LARGE1: variants seen among roughly 807,000 people sequenced by gnomAD.
The protein encoded by LARGE1 is xylosyl- and glucuronyltransferase LARGE1.
LARGE1 carries 43 observed loss-of-function variants against 87.6 expected under a neutral mutation model. That is an observed-to-expected ratio of 0.49 (90% CI 0.38 to 0.63). The LOEUF (loss-of-function observed/expected upper bound fraction) is 0.63. LARGE1 is among the 30% of genes least tolerant of loss of function. LARGE1 has a pLI of 0.00. For synonymous variants in LARGE1, 434 were observed against 394.6 expected, an observed-to-expected ratio of 1.10 and a Z score of -1.18; for missense variants, 802 against 1,000.2, an observed-to-expected ratio of 0.80 and a Z score of 2.67.
chr22:33,651,022 A>G (rs2080785817), intron 2 of LARGE1, among the ~76,000 whole-genome samples: 1 of 151,576 alleles, frequency 6.6e-6, no homozygotes, highest in Admixed American at 6.6e-5. Flanking sequence ...TTGGGGAGAA[A>G]GACAAGGGAG....
At chr22:33,134,252 T>TC in the LARGE1 span, among the ~76,000 whole-genome samples, 5 of 135,906 alleles carry the variant, frequency 3.7e-5, no homozygotes, top group East Asian at 1.1e-3. Context: ...CACAAAGAAC[T>TC]CCCTTTTTTT....
chr22:33,599,377 CT>C (rs138189288), intron 5 of LARGE1, among the ~76,000 whole-genome samples: 12,152 of 152,182 alleles, frequency 0.08, 577 homozygotes, highest in African/African-American at 0.13. Flanking sequence ...AGTTTTCCTC[CT>C]GTAGACAGGA....
intron 11 of LARGE1, among the ~76,000 whole-genome samples, chr22:33,167,588 AGATT>A (rs1460290049): frequency 6.6e-6 from 1 of 152,186 alleles, no homozygotes; most frequent in African/African-American, 2.4e-5. Flanking sequence ...TGCATTTTAC[AGATT>A]AATAATTCGA....
At chr22:33,647,177 T>C (rs1438427072) in intron 3 of LARGE1, among the ~76,000 whole-genome samples, 9 of 152,200 alleles carry the variant, frequency 5.9e-5, no homozygotes, top group Non-Finnish European at 1.2e-4. Flanking sequence ...TTTTGATATG[T>C]AATTCTAACA....
chr22:33,619,414 G>A (rs1308774009), intron 4 of LARGE1, among the ~76,000 whole-genome samples: 3 of 151,932 alleles, frequency 2.0e-5, no homozygotes, highest in African/African-American at 7.3e-5. Context: ...AATTAGCCAG[G>A]TGTGGTGGCA....
In LARGE1 at chr22:33,725,592, T is replaced by C. The variant is rs187762664; in HGVS notation, c.106+35779A>G. On this transcript the variant is annotated intron_variant, in intron 2 of 14. Coordinates refer to ENST00000397394, the MANE Select transcript of LARGE1 (RefSeq NM_133642.5). ...AGACATGCCTCTCAAGCCTCACAAT[T>C]GTCCTTTTGCTAAATTTAGGTTGAA... 433 of 152,288 alleles carry C rather than the reference T, an allele frequency of 2.8e-3. 6 individuals are homozygous for C. The highest frequency in any genetic ancestry group is 1.2e-3 in the East Asian group (6 of 5,162). The allele number at this position is 152,288 out of a possible 1,614,324, so 9.4% of individuals were successfully genotyped here.
At chr22:33,183,620 GCA>G (rs56262703) in intron 11 of LARGE1, among the ~76,000 whole-genome samples, 2,274 of 137,758 alleles carry the variant, frequency 0.017, 19 homozygotes, top group African/African-American at 0.029. Context: ...ACACACACAC[GCA>G]CACACACACA....
intron 11 of LARGE1, among the ~76,000 whole-genome samples, chr22:33,230,661 G>T (rs1925963188): frequency 6.6e-6 from 1 of 151,562 alleles, no homozygotes; most frequent in African/African-American, 2.4e-5. Flanking sequence ...TTTTATGGGT[G>T]GGTTATTGGA....
chr22:33,243,087 C>A (rs372742550), intron 11 of LARGE1, among the ~76,000 whole-genome samples: 1 of 152,160 alleles, frequency 6.6e-6, no homozygotes, highest in Non-Finnish European at 1.5e-5. Flanking sequence ...ACTCCATTTA[C>A]AAATAGTCAC....
the LARGE1 span, among the ~76,000 whole-genome samples, chr22:33,120,352 C>CTGTCTT: frequency 3.5e-5 from 4 of 115,776 alleles, no homozygotes; most frequent in Non-Finnish European, 5.2e-5. Flanking sequence ...TCTTTCTTTT[C>CTGTCTT]TTTCTTTTTC....
intron 5 of LARGE1, among the ~76,000 whole-genome samples, chr22:33,599,012 G>T (rs2079048716): frequency 6.6e-6 from 1 of 152,162 alleles, no homozygotes; most frequent in South Asian, 2.1e-4. Context: ...ACAGCCTGTG[G>T]GATCCAAAGC....
At chr22:33,510,867 G>A (rs774458882) in intron 6 of LARGE1, among the ~76,000 whole-genome samples, 1 of 152,180 alleles carries the variant, frequency 6.6e-6, no homozygotes, top group Non-Finnish European at 1.5e-5. Flanking sequence ...GATTACAGGC[G>A]TGAGCTACCA....
chr22:33,821,307 G>A (rs1383811684), intron 1 of LARGE1, among the ~76,000 whole-genome samples: 1 of 152,060 alleles, frequency 6.6e-6, no homozygotes, highest in Non-Finnish European at 1.5e-5. Flanking sequence ...AGCTACTGAG[G>A]GCTACTGTAG....
chr22:33,772,082 C>T (rs8142976), intron 1 of LARGE1, among the ~76,000 whole-genome samples: 1 of 152,136 alleles, frequency 6.6e-6, no homozygotes, highest in Non-Finnish European at 1.5e-5. Flanking sequence ...ACCTGTAATC[C>T]CAGCACTTTG....
chr22:33,387,006 A>C (rs2065346411), intron 7 of LARGE1, among the ~76,000 whole-genome samples: 1 of 148,646 alleles, frequency 6.7e-6, no homozygotes, highest in South Asian at 2.4e-4. Context: ...CAGGAGGCTG[A>C]GGCAGGAGAA....
chr22:33,515,828 C>A (rs369328878), intron 6 of LARGE1, among the ~76,000 whole-genome samples: 1 of 152,106 alleles, frequency 6.6e-6, no homozygotes, highest in East Asian at 1.9e-4. Context: ...TGAGAGGTGA[C>A]GAGTCCAGAG....
At chr22:33,304,164 G>T in intron 12 of LARGE1, 65 bp downstream of exon 12, 2 of 1,571,166 alleles carry the variant, frequency 1.3e-6, no homozygotes, top group Non-Finnish European at 8.7e-7. Context: ...AGGGCCTTTT[G>T]GTCCTGGCAC....
chr22:33,284,274 C>T (rs1931086570), intron 12 of LARGE1, among the ~76,000 whole-genome samples: 1 of 152,204 alleles, frequency 6.6e-6, no homozygotes, highest in Non-Finnish European at 1.5e-5. Flanking sequence ...AGAGAATCAC[C>T]AAACTGGGCA....
intron 2 of LARGE1, among the ~76,000 whole-genome samples, chr22:33,727,102 G>A (rs796471985): frequency 1.1e-4 from 17 of 152,322 alleles, no homozygotes; most frequent in African/African-American, 4.1e-4. Context: ...AAGGTGACAG[G>A]GGGAAGCCAG....
Sources: allele counts gnomAD v4.1 joint callset (sites outside exome capture counted in the v4.1 genomes callset), GRCh38; gene constraint gnomAD v4.1.1; transcripts MANE v1.5; gene names NCBI Gene and HGNC (gene_info 2026-07-23, HGNC 2026-07-21).